SUGCT: variants seen among roughly 807,000 people sequenced by gnomAD.
The protein encoded by SUGCT is succinyl-CoA:glutarate-CoA transferase, also known as succinyl-CoA:glutarate CoA-transferase.
Under a neutral mutation model 55.0 loss-of-function variants are expected in SUGCT, and 41 were observed. The ratio of observed to expected loss-of-function variants is 0.74; its 90% CI spans 0.58 to 0.97. SUGCT has a LOEUF of 0.97. SUGCT is among the 50% of genes least tolerant of loss of function. The probability of loss-of-function intolerance (pLI) is 0.00; values close to 1 mark genes in which losing one functional copy is unlikely to be tolerated. For missense variants in SUGCT, 568 were observed against 547.8 expected (o/e 1.04, Z -0.37); for synonymous variants, 187 against 200.4 (o/e 0.93, Z 0.56).
chr7:40,897,271 GA>G, the SUGCT span, among the ~76,000 whole-genome samples: 1,215 of 152,256 alleles, frequency 8.0e-3, 17 homozygotes, highest in African/African-American at 0.028. Context: ...AAATATAGGG[GA>G]AAAGCTTCTT....
intron 9 of SUGCT, among the ~76,000 whole-genome samples, chr7:40,420,332 TTTTTTG>T (rs893056541): frequency 4.0e-5 from 6 of 151,872 alleles, no homozygotes; most frequent in African/African-American, 9.7e-5. Flanking sequence ...GTTTTTTTTG[TTTTTTG>T]TTTTTGTTTT....
At chr7:40,651,026 C>A (rs1800750743) in intron 12 of SUGCT, among the ~76,000 whole-genome samples, 1 of 152,206 alleles carries the variant, frequency 6.6e-6, no homozygotes, top group African/African-American at 2.4e-5. Flanking sequence ...CAGCTCCATT[C>A]ATGTCCCTGC....
At chr7:40,907,929 G>A in the SUGCT span, among the ~76,000 whole-genome samples, 1 of 151,996 alleles carries the variant, frequency 6.6e-6, no homozygotes, top group African/African-American at 2.4e-5. Flanking sequence ...CTAAACATTA[G>A]TAAATAAGGA....
chr7:40,683,735 C>T (rs1784351966), intron 12 of SUGCT, among the ~76,000 whole-genome samples: 1 of 152,244 alleles, frequency 6.6e-6, no homozygotes, highest in South Asian at 2.1e-4. Flanking sequence ...TCAACATTCA[C>T]TCTCAGACGT....
At chr7:40,881,375 T>C in the SUGCT span, among the ~76,000 whole-genome samples, 1 of 152,156 alleles carries the variant, frequency 6.6e-6, no homozygotes, top group East Asian at 1.9e-4. Context: ...ATTACATGAA[T>C]AGAAAAGCAA....
At chr7:40,217,358 G>C (rs182748040) in intron 6 of SUGCT, 1 of 407,386 alleles carries the variant, frequency 2.5e-6, no homozygotes. Context: ...CTACAGGCTC[G>C]TGCCACTACA....
At chr7:40,242,948 T>A (rs1246280933) in intron 7 of SUGCT, among the ~76,000 whole-genome samples, 6 of 87,554 alleles carry the variant, frequency 6.9e-5, no homozygotes, top group African/African-American at 2.2e-4. Context: ...TTTTTTTTTT[T>A]TTTTTTTTTT....
At chr7:40,753,362 T>A (rs1788107357) in intron 13 of SUGCT, among the ~76,000 whole-genome samples, 1 of 152,216 alleles carries the variant, frequency 6.6e-6, no homozygotes, top group Non-Finnish European at 1.5e-5. Flanking sequence ...CAAGCTACAG[T>A]TAAAGGTGAC....
intron 13 of SUGCT, among the ~76,000 whole-genome samples, chr7:40,854,428 CTTTCTTTCTTTCTTTCTT>C (rs1405251110): frequency 7.7e-6 from 1 of 129,384 alleles, no homozygotes; most frequent in Admixed American, 8.1e-5. Flanking sequence ...TCCTTTCTTT[CTTTCTTTCTTTCTTTCTT>C]TCTTTCTTTC....
intron 1 of SUGCT, among the ~76,000 whole-genome samples, chr7:40,174,959 A>G (rs905100153): frequency 6.6e-6 from 1 of 152,124 alleles, no homozygotes; most frequent in South Asian, 2.1e-4. Context: ...GTGAGAAAAA[A>G]AATTTTATTG....
intron 12 of SUGCT, among the ~76,000 whole-genome samples, chr7:40,636,367 G>A (rs2151817241): frequency 6.6e-6 from 1 of 152,284 alleles, no homozygotes; most frequent in South Asian, 2.1e-4. Context: ...GGCTTCCAGG[G>A]AGAGGTGGGG....
intron 9 of SUGCT, among the ~76,000 whole-genome samples, chr7:40,405,426 G>T (rs914025198): frequency 6.6e-6 from 1 of 151,962 alleles, no homozygotes; most frequent in African/African-American, 2.4e-5. Flanking sequence ...ATTAGCATTT[G>T]AACATGTTTT....
At chr7:40,272,193 T>TATACAC (rs1554299554) in intron 7 of SUGCT, among the ~76,000 whole-genome samples, 31 of 76,250 alleles carry the variant, frequency 4.1e-4, no homozygotes, top group Non-Finnish European at 6.0e-4. Context: ...TATATATATA[T>TATACAC]ACAGGGTCTC....
chr7:41,009,416 C>T, the SUGCT span, among the ~76,000 whole-genome samples: 1 of 152,268 alleles, frequency 6.6e-6, no homozygotes, highest in South Asian at 2.1e-4. Flanking sequence ...CCTAGTGCCA[C>T]GGGACAGGTA....
intron 13 of SUGCT, among the ~76,000 whole-genome samples, chr7:40,845,552 T>C (rs982474149): frequency 6.6e-6 from 1 of 152,218 alleles, no homozygotes; most frequent in East Asian, 1.9e-4. Flanking sequence ...GATAGGACTG[T>C]GGGGCTAGCA....
intron 12 of SUGCT, among the ~76,000 whole-genome samples, chr7:40,588,978 TAC>T (rs1797560466): frequency 6.6e-6 from 1 of 152,218 alleles, no homozygotes; most frequent in Non-Finnish European, 1.5e-5. Flanking sequence ...TTCTGTTTTG[TAC>T]AAATAAATAT....
intron 13 of SUGCT, among the ~76,000 whole-genome samples, chr7:40,805,658 C>T (rs1200108538): frequency 6.6e-6 from 1 of 152,174 alleles, no homozygotes; most frequent in Non-Finnish European, 1.5e-5. Flanking sequence ...CCACTTCAAC[C>T]CAAGCTGACA....
intron 9 of SUGCT, among the ~76,000 whole-genome samples, chr7:40,440,421 A>G (rs1349997327): frequency 6.6e-6 from 1 of 151,938 alleles, no homozygotes; most frequent in Admixed American, 6.6e-5. Flanking sequence ...TTGGCCTCCC[A>G]AAGTGCCAGG....
the SUGCT span, among the ~76,000 whole-genome samples, chr7:41,019,793 CA>C: frequency 2.0e-5 from 3 of 152,102 alleles, no homozygotes; most frequent in African/African-American, 7.2e-5. Context: ...GTGGAAGAAA[CA>C]GAACTTCAAG....
Sources: allele counts gnomAD v4.1 joint callset (sites outside exome capture counted in the v4.1 genomes callset), GRCh38; gene constraint gnomAD v4.1.1; transcripts MANE v1.5; gene names NCBI Gene and HGNC (gene_info 2026-07-23, HGNC 2026-07-21).